The following NOTCH2 variants were observed in gnomAD, a reference collection of about 807,000 sequenced individuals.
The protein encoded by NOTCH2 is neurogenic locus notch homolog protein 2.
NOTCH2 carries 29 observed loss-of-function variants against 235.8 expected under a neutral mutation model. The ratio of observed to expected loss-of-function variants is 0.12; its 90% CI spans 0.09 to 0.17. NOTCH2 has a LOEUF of 0.17. NOTCH2 is among the 10% of genes least tolerant of loss of function. The probability of loss-of-function intolerance (pLI) is 1.00; values close to 1 mark genes in which losing one functional copy is unlikely to be tolerated. For synonymous variants in NOTCH2, 1,086 were observed against 1,141.5 expected (o/e 0.95, Z 0.98); for missense variants, 2,285 against 3,150.2 (o/e 0.73, Z 6.57).
chr1:119,929,362 C>A, intron 22 of NOTCH2, 150 bp from the exon 23 acceptor site: 1 of 709,816 alleles, frequency 1.4e-6, no homozygotes, highest in Non-Finnish European at 2.5e-6. Flanking sequence ...GGGCAAAGCA[C>A]ACTCTTTATT....
rs369205991 is a variant in NOTCH2, at chr1:120,069,575, C to A, written c.-169G>T. ...CAGGCGCAAATGCCTCGACTCCCCG[C>A]GCCCCGAGTCCGCCGCTCCTCGGCC... On this transcript the variant is annotated 5_prime_UTR_variant, in exon 1 of 34. Transcript: ENST00000256646. The A allele has an allele frequency of 7.5e-4, 1,060 of 1,409,720 alleles. 14 individuals carry two copies. The East Asian group carries it at 0.028, about 37-fold the overall frequency. 87.3% of individuals were successfully genotyped at this position (1,409,720 alleles called of 1,614,324 possible). A position where few individuals can be genotyped will look rare whatever the true frequency, so the allele number is the denominator to read the frequency against.
At chr1:120,024,903 T>C (rs1653782454) in intron 2 of NOTCH2, among the ~76,000 whole-genome samples, 3 of 150,250 alleles carry the variant, frequency 2.0e-5, no homozygotes, top group African/African-American at 7.3e-5. Context: ...GGACAAAATA[T>C]CAAAGGCACT....
rs1231249822 is a variant in NOTCH2, at chr1:119,918,557, G to C, written c.5782-4C>G. 1 of 1,614,004 alleles carries C rather than the reference G, an allele frequency of 6.2e-7. No individual in the cohort carries two copies. The highest frequency in any genetic ancestry group is 8.5e-7 in the Non-Finnish European group (1 of 1,179,968). On this transcript the variant is annotated splice_region_variant and splice_polypyrimidine_tract_variant and intron_variant, in intron 31 of 33. Transcript: ENST00000256646. Reference sequence around the variant, plus strand: ...TTACTCGGTTGCGAATCAGAATCTAGAAGAGGAGAAAGTACAGAAAAGAGA... The same window carrying C: ...TTACTCGGTTGCGAATCAGAATCTACAAGAGGAGAAAGTACAGAAAAGAGA...
chr1:119,923,525 A>G (rs1016641771), intron 26 of NOTCH2, 112 bp downstream of exon 26: 1 of 943,468 alleles, frequency 1.1e-6, no homozygotes, highest in Non-Finnish European at 1.7e-6. Flanking sequence ...GTGGTGGGCC[A>G]TTCTATTTTT....
At chr1:119,977,306 T>A (rs1190860014) in intron 5 of NOTCH2, among the ~76,000 whole-genome samples, 1 of 152,084 alleles carries the variant, frequency 6.6e-6, no homozygotes, top group Non-Finnish European at 1.5e-5. Context: ...CACCACCAGT[T>A]CACACGCAAA....
rs1553198769 is a variant in NOTCH2 at position 119,959,461 on chromosome 1, G to A, written c.1957C>T (p.Pro653Ser). ...TCCATACAGATTCCATGGATACAAG[G>A]GTTACTTGCACAGTCATCAAAATTA... ...EINFDDCASN[P>S]CIHGICMDGI... Residue 653 changes from proline to serine, a missense_variant, in exon 12 of 34, where the codon CCT becomes TCT. Pro to Ser is a moderately conservative substitution (Grantham distance 74). Around this residue, in one of 6 missense-constraint regions of NOTCH2, gnomAD observed 431 missense variants for 757.8 expected, o/e 0.57. Coordinates refer to ENST00000256646, the MANE Select transcript of NOTCH2 (RefSeq NM_024408.4). The A allele has an allele frequency of 6.2e-7, 1 of 1,610,832 alleles. No homozygotes were observed. Among genetic ancestry groups the A allele is most frequent in the Non-Finnish European group, 8.5e-7 (1 of 1,177,098 alleles).
chr1:119,919,967 T>C (rs1649215535), intron 30 of NOTCH2, among the ~76,000 whole-genome samples: 1 of 152,240 alleles, frequency 6.6e-6, no homozygotes, highest in Admixed American at 6.5e-5. Context: ...GGATATTATT[T>C]TTCTATCCCA....
At position 119,916,166 on chromosome 1, in the gene NOTCH2, T is replaced by C; in HGVS notation, c.6556A>G (p.Thr2186Ala). The C allele has an allele frequency of 6.2e-7, 1 of 1,614,198 alleles. No homozygotes were observed. The highest frequency in any genetic ancestry group is 2.2e-5 in the East Asian group (1 of 44,880). Residue 2186 changes from threonine (T) to alanine (A), a missense_variant, in exon 34 of 34, where the codon ACT becomes GCT. By Grantham distance (58) the Thr-to-Ala change is moderately conservative. Transcript: ENST00000256646. ...TGGACTGGGGCAGGAGGGGCGGCAG[T>C]GGCCAACATAGGGTTGGGTGAGGCC... ...LQASPNPMLA[T>A]AAPPAPVHAQ...
At chr1:119,973,767 C>T (rs112729429) in intron 5 of NOTCH2, among the ~76,000 whole-genome samples, 7 of 152,142 alleles carry the variant, frequency 4.6e-5, no homozygotes, top group African/African-American at 9.6e-5. Context: ...GTATGCTCTA[C>T]GGTCATTGAG....
chr1:120,068,982 T>C, intron 1 of NOTCH2: 3 of 1,137,490 alleles, frequency 2.6e-6, no homozygotes, highest in Non-Finnish European at 2.4e-6. Context: ...CGGCTCTCGC[T>C]CGACCCCAAG....
chr1:119,945,277 TACTC>T (rs2101110437), intron 17 of NOTCH2, among the ~76,000 whole-genome samples: 1 of 152,206 alleles, frequency 6.6e-6, no homozygotes, highest in South Asian at 2.1e-4. Context: ...ATCATAAAAA[TACTC>T]AATTATTTCA....
intron 3 of NOTCH2, among the ~76,000 whole-genome samples, chr1:120,003,915 T>C (rs1456432508): frequency 1.3e-5 from 2 of 152,086 alleles, no homozygotes; most frequent in African/African-American, 4.8e-5. Context: ...GAATTTGGTG[T>C]GACTAGGCCT....
chr1:119,970,355 G>A (rs1651312765), intron 5 of NOTCH2, among the ~76,000 whole-genome samples: 1 of 152,180 alleles, frequency 6.6e-6, no homozygotes, highest in African/African-American at 2.4e-5. Context: ...ATAGGGTACA[G>A]AGAAGACATG....
intron 19 of NOTCH2, 31 bp downstream of exon 19, chr1:119,940,524 G>T: frequency 6.3e-7 from 1 of 1,585,728 alleles, no homozygotes; most frequent in South Asian, 1.1e-5. Context: ...TGCTCTAGGG[G>T]AGCTGAGTGA....
At position 119,950,617 on chromosome 1, in the gene NOTCH2, C is replaced by A. The variant is rs782002735; in HGVS notation, c.2479+107G>T. 45 of 783,292 alleles carry A rather than the reference C, an allele frequency of 5.7e-5. No homozygotes were observed. In the South Asian group the frequency reaches 6.2e-4, roughly 11 times the overall value. The allele number at this position is 783,292 out of a possible 1,614,324, so 48.5% of individuals were successfully genotyped here. A position where few individuals can be genotyped will look rare whatever the true frequency, so the allele number is the denominator to read the frequency against. On this transcript the variant is annotated intron_variant, in intron 15 of 33. Transcript: ENST00000256646. ...CAGGAAGGACAACTGAGGAGTGAGC[C>A]CTCGGAGGAGCATTACAGCCCCACA...
At chr1:119,963,407 AG>A (rs1466790576) in intron 11 of NOTCH2, among the ~76,000 whole-genome samples, 166 bp downstream of exon 11, 1 of 152,238 alleles carries the variant, frequency 6.6e-6, no homozygotes, top group Non-Finnish European at 1.5e-5. Context: ...TCCACTGGCT[AG>A]GGCCATTTGC....
chr1:119,971,183 C>A (rs1651346028), intron 5 of NOTCH2, among the ~76,000 whole-genome samples: 1 of 152,222 alleles, frequency 6.6e-6, no homozygotes, highest in Non-Finnish European at 1.5e-5. Flanking sequence ...GGTTGCACAT[C>A]TGTCTCCCAC....
At chr1:119,917,083 A>G (rs1649108384) in intron 33 of NOTCH2, among the ~76,000 whole-genome samples, 1 of 152,156 alleles carries the variant, frequency 6.6e-6, no homozygotes, top group Admixed American at 6.5e-5. Flanking sequence ...GAAATAAGAA[A>G]TAATAGGAAA....
At chr1:120,028,783 C>A (rs1653971433) in intron 2 of NOTCH2, among the ~76,000 whole-genome samples, 1 of 138,338 alleles carries the variant, frequency 7.2e-6, no homozygotes. Context: ...ACAACTACTC[C>A]TCACAAAAAT....
Sources: allele counts gnomAD v4.1 joint callset (sites outside exome capture counted in the v4.1 genomes callset), GRCh38; gene constraint gnomAD v4.1.1; regional missense constraint gnomAD v4.1.1; transcripts MANE v1.5; gene names NCBI Gene and HGNC (gene_info 2026-07-23, HGNC 2026-07-21).